KCNN2: variants seen among roughly 807,000 people sequenced by gnomAD.
KCNN2 encodes small conductance calcium-activated potassium channel protein 2.
KCNN2 carries 24 observed loss-of-function variants against 55.5 expected under a neutral mutation model. That is an observed-to-expected ratio of 0.43 (90% CI 0.31 to 0.61). The LOEUF is 0.61. Ranked by LOEUF, KCNN2 falls within the 20% of genes least tolerant of loss-of-function variation. The pLI is 0.08. For synonymous variants in KCNN2, 431 were observed against 336.1 expected (o/e 1.28, Z -3.09); for missense variants, 754 against 853.6 (o/e 0.88, Z 1.45).
chr5:114,372,469 G>A (rs917385983), intron 2 of KCNN2, among the ~76,000 whole-genome samples: 8 of 152,130 alleles, frequency 5.3e-5, no homozygotes, highest in African/African-American at 1.7e-4. Context: ...TTACTGCAGT[G>A]TCAGGATCTT....
chr5:114,294,288 G>C (rs1323310910), intron 2 of KCNN2, among the ~76,000 whole-genome samples: 5 of 151,980 alleles, frequency 3.3e-5, no homozygotes, highest in Non-Finnish European at 2.9e-5. Context: ...TGATGTTAGG[G>C]TGTCAATTTT....
rs546785811 is a variant in KCNN2, at chr5:114,380,881, C to A, written c.1218+16880C>A. The stretch of plus-strand genomic sequence containing the variant: ...AGACTCTGTCTCTCAGTTGAGAGGG[C>A]AGCTCCCTGGGGGCAGGCATCATGT... On this transcript the variant is annotated intron_variant, in intron 2 of 7. Transcript: ENST00000673685. 2.0e-5 allele frequency among the ~76,000 whole-genome samples: 3 copies of A among 152,246 alleles called. No individual in the cohort carries two copies. In the South Asian group the frequency reaches 6.2e-4, roughly 32 times the overall value.
intron 1 of KCNN2, among the ~76,000 whole-genome samples, chr5:114,187,557 G>T (rs1472521632): frequency 6.8e-6 from 1 of 146,820 alleles, no homozygotes; most frequent in African/African-American, 2.5e-5. Flanking sequence ...CTAGGCTGGA[G>T]TGCAGTGGTG....
At chr5:114,087,691 T>C (rs1392080118) in intron 1 of KCNN2, among the ~76,000 whole-genome samples, 1 of 152,188 alleles carries the variant, frequency 6.6e-6, no homozygotes, top group Non-Finnish European at 1.5e-5. Flanking sequence ...TTTCCTCTTT[T>C]TCTTTTTTTC....
At chr5:114,217,653 G>T (rs1754034421) in intron 1 of KCNN2, among the ~76,000 whole-genome samples, 1 of 152,094 alleles carries the variant, frequency 6.6e-6, no homozygotes. Flanking sequence ...AAACTTGTAG[G>T]AGATGACATA....
chr5:114,062,079 T>C, intron 1 of KCNN2, among the ~76,000 whole-genome samples: 1 of 152,150 alleles, frequency 6.6e-6, no homozygotes, highest in Middle Eastern at 3.4e-3. Flanking sequence ...CTTATGGTTA[T>C]TTATTTAAGA....
intron 2 of KCNN2, among the ~76,000 whole-genome samples, chr5:114,239,792 C>A (rs1425696599): frequency 6.6e-6 from 1 of 152,166 alleles, no homozygotes; most frequent in Non-Finnish European, 1.5e-5. Context: ...CTTGAGGAAA[C>A]CTCCTGAGAT....
chr5:114,109,119 C>G (rs926713909), intron 1 of KCNN2, among the ~76,000 whole-genome samples: 1 of 151,978 alleles, frequency 6.6e-6, no homozygotes, highest in African/African-American at 2.4e-5. Flanking sequence ...ATCAGATGCT[C>G]AAATGGGGAA....
chr5:114,393,480 G>C (rs1171654904), intron 2 of KCNN2, among the ~76,000 whole-genome samples: 1 of 151,996 alleles, frequency 6.6e-6, no homozygotes, highest in Non-Finnish European at 1.5e-5. Flanking sequence ...TTGGATGTCT[G>C]ACAACCTCAT....
intron 2 of KCNN2, among the ~76,000 whole-genome samples, chr5:114,320,270 G>T (rs543446581): frequency 1.3e-5 from 2 of 151,818 alleles, no homozygotes; most frequent in African/African-American, 2.4e-5. Flanking sequence ...GGTTCTACAG[G>T]GTATTAGATT....
intron 1 of KCNN2, among the ~76,000 whole-genome samples, chr5:114,142,545 A>G (rs1752307970): frequency 6.6e-6 from 1 of 152,184 alleles, no homozygotes; most frequent in South Asian, 2.1e-4. Context: ...ATCAATGGGC[A>G]AAGATCACAG....
At chr5:114,209,148 C>A (rs987818378) in intron 1 of KCNN2, among the ~76,000 whole-genome samples, 1 of 152,020 alleles carries the variant, frequency 6.6e-6, no homozygotes, top group Non-Finnish European at 1.5e-5. Context: ...CCTCACACTC[C>A]TGGCCTCAAG....
At chr5:114,491,353 CTTTATACAAATGTTAATCCATT>C (rs1407138399) in intron 6 of KCNN2, among the ~76,000 whole-genome samples, 4 of 152,150 alleles carry the variant, frequency 2.6e-5, no homozygotes, top group South Asian at 4.2e-4. Context: ...ATACAAATTC[CTTTATACAAATGTTAATCCATT>C]TTTATACAAA....
chr5:114,362,357 C>T lies in KCNN2; in HGVS notation c.218C>T (p.Ala73Val), dbSNP rs1305327678. 1.5e-5 allele frequency: 3 copies of T among 200,206 alleles called. No homozygotes were observed. The highest frequency in any genetic ancestry group is 2.4e-5 in the African/African-American group (1 of 42,428). 12.4% of individuals were successfully genotyped at this position (200,206 alleles called of 1,614,324 possible). A position where few individuals can be genotyped will look rare whatever the true frequency, so the allele number is the denominator to read the frequency against. ...SSPCLRCNSC[A>V]SSGAPAAGAG... ...CCATGCCTCCGGTGCAACAGCTGCG[C>T]CTCCTCCGGTGCCCCGGCGGCGGGG... is the stretch of plus-strand genomic sequence containing the variant. The change falls in exon 1 of 8, where the codon GCC becomes GTC. Residue 73 changes from alanine (A) to valine (V), a missense_variant. By Grantham distance (64) the Ala-to-Val change is moderately conservative. This residue lies in a region of KCNN2 where 381 missense variants were observed against 259.1 expected (regional missense o/e 1.47). Coordinates refer to ENST00000673685, the MANE Select transcript of KCNN2 (RefSeq NM_021614.4).
intron 2 of KCNN2, among the ~76,000 whole-genome samples, chr5:114,266,999 T>C (rs1225166970): frequency 6.8e-6 from 1 of 147,164 alleles, no homozygotes; most frequent in Non-Finnish European, 1.5e-5. Flanking sequence ...CTCCTTTTTT[T>C]TTTTTTTTTT....
intron 1 of KCNN2, among the ~76,000 whole-genome samples, chr5:114,219,146 A>G (rs189568013): frequency 1.3e-5 from 2 of 152,336 alleles, no homozygotes; most frequent in Admixed American, 1.3e-4. Context: ...GCATCCAGGC[A>G]GGGGTGCCTG....
intron 1 of KCNN2, among the ~76,000 whole-genome samples, chr5:114,157,340 A>AT (rs1485368668): frequency 1.3e-5 from 2 of 151,890 alleles, no homozygotes; most frequent in Non-Finnish European, 2.9e-5. Context: ...TGAACTCATC[A>AT]TTTTTTATGG....
chr5:114,490,567 C>A (rs1305766935), intron 6 of KCNN2: 5 of 395,374 alleles, frequency 1.3e-5, no homozygotes, highest in African/African-American at 1.0e-4. Flanking sequence ...ATAACAGGAT[C>A]TTCCAGCTAA....
At chr5:114,162,071 G>A (rs1752798197) in intron 1 of KCNN2, among the ~76,000 whole-genome samples, 1 of 152,132 alleles carries the variant, frequency 6.6e-6, no homozygotes, top group Non-Finnish European at 1.5e-5. Flanking sequence ...GGAGGAGGAG[G>A]GGTGCTCTGA....
Sources: gnomAD v4.1 joint callset for allele counts (sites outside exome capture counted in the v4.1 genomes callset) on GRCh38, gnomAD v4.1.1 for gene constraint, gnomAD v4.1.1 regional missense constraint, MANE v1.5 for transcripts, NCBI Gene and HGNC (gene_info 2026-07-23, HGNC 2026-07-21) for gene names.